Variants in ZNF814 observed in about 807,000 individuals in gnomAD.
ZNF814 encodes the protein zinc finger protein 814.
Under a neutral mutation model 7.5 loss-of-function variants are expected in ZNF814, and 5 were observed. That is an observed-to-expected ratio of 0.67 (90% confidence interval 0.35 to 1.40). ZNF814 has a LOEUF of 1.40. ZNF814 is among the 40% of genes most tolerant of loss of function. The probability of loss-of-function intolerance (pLI) is 0.04; values close to 1 mark genes in which losing one functional copy is unlikely to be tolerated. For synonymous variants in ZNF814, 315 were observed against 340.7 expected (o/e 0.92, Z 0.83); for missense variants, 962 against 1,018.0 (o/e 0.94, Z 0.75).
intron 2 of ZNF814, among the ~76,000 whole-genome samples, chr19:57,876,047 C>T (rs1323686324): frequency 7.0e-6 from 1 of 142,770 alleles, no homozygotes; most frequent in African/African-American, 2.6e-5. Context: ...CGCAACCTCC[C>T]CTCCTGGGTT....
intron 2 of ZNF814, among the ~76,000 whole-genome samples, chr19:57,875,627 C>G (rs1432263952): frequency 6.6e-6 from 1 of 152,140 alleles, no homozygotes; most frequent in African/African-American, 2.4e-5. Context: ...TTCGCTAACA[C>G]AAATCTCTAT....
intron 1 of ZNF814, among the ~76,000 whole-genome samples, chr19:57,885,027 T>C (rs1258252026): frequency 1.3e-5 from 2 of 151,950 alleles, no homozygotes; most frequent in Non-Finnish European, 2.9e-5. Context: ...GATAAATGGA[T>C]AAAGAAAATG....
At chr19:57,879,590 G>C (rs2071635685) in intron 1 of ZNF814, among the ~76,000 whole-genome samples, 1 of 147,656 alleles carries the variant, frequency 6.8e-6, no homozygotes, top group African/African-American at 2.5e-5. Flanking sequence ...CATGGCTAAC[G>C]CACCTTAGTC....
the ZNF814 span, among the ~76,000 whole-genome samples, chr19:57,896,414 G>A: frequency 2.2e-4 from 33 of 152,316 alleles, no homozygotes; most frequent in Middle Eastern, 3.4e-3. This position sits in a 1 kb window ranked among gnomAD's most constrained non-coding sequence, Gnocchi z 4.2. Context: ...AAAAGGGTAT[G>A]TTTTACTAAC....
At chr19:57,883,159 C>T (rs1190317096) in intron 1 of ZNF814, among the ~76,000 whole-genome samples, 2 of 151,296 alleles carry the variant, frequency 1.3e-5, no homozygotes, top group Non-Finnish European at 1.5e-5. Context: ...GAGATCGAGA[C>T]CATCCTGGCT....
chr19:57,874,478 G>C lies in ZNF814; in HGVS notation c.912C>G (p.Ser304=), dbSNP rs758427699. The C allele has an allele frequency of 7.6e-4, 479 of 628,236 alleles. 11 individuals carry two copies. The highest frequency in any genetic ancestry group is 9.9e-4 in the Non-Finnish European group (402 of 407,058). 38.9% of individuals were successfully genotyped at this position (628,236 alleles called of 1,614,324 possible). A position where few individuals can be genotyped will look rare whatever the true frequency, so the allele number is the denominator to read the frequency against. ...KKHECGECGK[S]FSKYVSFSNH... is the part of the protein sequence containing the mutation. Reference sequence around the variant, plus strand: ...TACTGAAGCTAACATATTTGCTAAAGGATTTCCCACATTCTCCACATTCAT... The same window carrying C: ...TACTGAAGCTAACATATTTGCTAAACGATTTCCCACATTCTCCACATTCAT... The change falls in exon 3 of 3, where the codon TCC becomes TCG. Residue 304 remains serine (S), a synonymous_variant. Coordinates refer to ENST00000435989, the MANE Select transcript of ZNF814 (RefSeq NM_001144989.2).
chr19:57,901,118 G>A, the ZNF814 span, among the ~76,000 whole-genome samples: 3 of 151,408 alleles, frequency 2.0e-5, no homozygotes, highest in South Asian at 2.1e-4. Flanking sequence ...TTACAGGCGT[G>A]AGCCACCGCG....
chr19:57,871,630 G>A lies in ZNF814; in HGVS notation c.*1192C>T, dbSNP rs191210055. The A allele has an allele frequency of 6.6e-6, 1 of 152,156 alleles. No homozygotes were observed. Among genetic ancestry groups the A allele is most frequent in the African/African-American group, 2.4e-5 (1 of 41,514 alleles). 9.4% of individuals were successfully genotyped at this position (152,156 alleles called of 1,614,324 possible). A position where few individuals can be genotyped will look rare whatever the true frequency, so the allele number is the denominator to read the frequency against. Reference sequence around the variant, plus strand: ...GGGTAGAAAATTTGTCAAGATTGATGTGATACCCACAAGATCTCTGAAAGA... The same window carrying A: ...GGGTAGAAAATTTGTCAAGATTGATATGATACCCACAAGATCTCTGAAAGA... On this transcript the variant is annotated 3_prime_UTR_variant, in exon 3 of 3. Transcript: ENST00000435989.
chr19:57,895,596 G>A, the ZNF814 span, among the ~76,000 whole-genome samples: 1 of 152,106 alleles, frequency 6.6e-6, no homozygotes, highest in African/African-American at 2.4e-5. Flanking sequence ...CTTTTATTGA[G>A]AGGAAACTTT....
chr19:57,891,252 G>A (rs182278707), upstream of ZNF814, among the ~76,000 whole-genome samples: 6 of 152,266 alleles, frequency 3.9e-5, no homozygotes, highest in Middle Eastern at 3.4e-3. Context: ...GGGGCCAGGC[G>A]CGGTGGCTCA....
intron 1 of ZNF814, among the ~76,000 whole-genome samples, chr19:57,884,334 C>T (rs2071672056): frequency 1.3e-5 from 2 of 152,284 alleles, no homozygotes; most frequent in South Asian, 2.1e-4. Context: ...GACATACAGT[C>T]AGGAGCAGTG....
Position 57,887,176 on chromosome 19 carries a change from G to A in ZNF814, c.36+1591C>T, listed in dbSNP as rs191185351. Among the ~76,000 whole-genome samples, 532 of 152,296 alleles carry A rather than the reference G, an allele frequency of 3.5e-3. 4 individuals are homozygous for A. The highest frequency in any genetic ancestry group is 0.012 in the African/African-American group (508 of 41,552). The stretch of plus-strand genomic sequence containing the variant: ...GTACTCCTGCCTGGGCAACAAGAGC[G>A]AAACTCCGTCTCAAGAAAACAAAAC... On this transcript the variant is annotated intron_variant, in intron 1 of 2. Coordinates refer to ENST00000435989, the MANE Select transcript of ZNF814 (RefSeq NM_001144989.2).
chr19:57,899,023 AC>A, the ZNF814 span, among the ~76,000 whole-genome samples: 1 of 152,114 alleles, frequency 6.6e-6, no homozygotes, highest in Non-Finnish European at 1.5e-5. Flanking sequence ...CTGTAATTCA[AC>A]CCATGGGCTC....
rs542631083 is a variant in ZNF814 at position 57,883,338 on chromosome 19, C to T, written c.36+5429G>A. ...TCACGCCACTGCACTCTAGCCTGGG[C>T]GACAGCGAGACTCCATCTCAAAAAA... On this transcript the variant is annotated intron_variant, in intron 1 of 2. Coordinates refer to ENST00000435989, the MANE Select transcript of ZNF814 (RefSeq NM_001144989.2). Among the ~76,000 whole-genome samples, 305 of 131,190 alleles carry T rather than the reference C, an allele frequency of 2.3e-3. 4 individuals carry two copies. The highest frequency in any genetic ancestry group is 8.3e-3 in the African/African-American group (288 of 34,518). 86.1% of individuals were successfully genotyped at this position (131,190 alleles called of 152,430 possible).
intron 1 of ZNF814, among the ~76,000 whole-genome samples, chr19:57,878,402 T>C (rs928133511): frequency 4.6e-5 from 7 of 151,366 alleles, no homozygotes; most frequent in African/African-American, 1.7e-4. Context: ...CTACAAACTA[T>C]AACAGGAACT....
intron 1 of ZNF814, among the ~76,000 whole-genome samples, chr19:57,879,851 G>A (rs1245450531): frequency 8.0e-6 from 1 of 125,230 alleles, no homozygotes; most frequent in Non-Finnish European, 1.7e-5. Flanking sequence ...CAGCACTTTG[G>A]AAGGCTGAGG....
intron 1 of ZNF814, 28 bp downstream of exon 1, chr19:57,888,739 C>T: frequency 6.4e-7 from 1 of 1,553,742 alleles, no homozygotes; most frequent in Non-Finnish European, 8.7e-7. Context: ...ATGAGGTGAC[C>T]TGAGGACACA....
chr19:57,894,045 T>C (rs111768083), upstream of ZNF814, among the ~76,000 whole-genome samples: 5,292 of 150,932 alleles, frequency 0.035, 294 homozygotes, highest in African/African-American at 0.12. Flanking sequence ...ATGGTGCCAC[T>C]GCACTCCAGC....
At chr19:57,901,030 A>G in the ZNF814 span, among the ~76,000 whole-genome samples, 3 of 150,234 alleles carry the variant, frequency 2.0e-5, no homozygotes, top group Admixed American at 2.0e-4. Context: ...TTGTATTTTT[A>G]GTAGAGACGG....
Sources: allele counts gnomAD v4.1 joint callset (sites outside exome capture counted in the v4.1 genomes callset), GRCh38; gene constraint gnomAD v4.1.1; non-coding constraint Gnocchi (gnomAD v3.1); transcripts MANE v1.5; gene names NCBI Gene and HGNC (gene_info 2026-07-23, HGNC 2026-07-21).